Variants in PCDHGB7 observed in about 807,000 individuals in gnomAD.
PCDHGB7 encodes the protein protocadherin gamma-B7.
PCDHGB7 carries 37 observed loss-of-function variants against 61.4 expected under a neutral mutation model. That is an observed-to-expected ratio of 0.60 (90% CI 0.46 to 0.79). The LOEUF (loss-of-function observed/expected upper bound fraction) is 0.79, where lower values mean the gene tolerates loss of function less well. Ranked by LOEUF, PCDHGB7 falls within the 30% of genes least tolerant of loss-of-function variation. The pLI, the probability that PCDHGB7 is intolerant of heterozygous loss-of-function variation, is 0.00. For synonymous variants in PCDHGB7, 464 were observed against 503.5 expected (o/e 0.92, Z 1.05); for missense variants, 1,166 against 1,202.5 (o/e 0.97, Z 0.45).
intron 1 of PCDHGB7, chr5:141,426,776 C>G (rs1258505646): frequency 2.2e-6 from 1 of 456,584 alleles, no homozygotes; most frequent in Admixed American, 2.3e-5. Flanking sequence ...TAGGGCCTCA[C>G]TCTCTCCAGA....
At chr5:141,506,898 T>C (rs2099857040) in intron 3 of PCDHGB7, among the ~76,000 whole-genome samples, 1 of 152,260 alleles carries the variant, frequency 6.6e-6, no homozygotes, top group East Asian at 1.9e-4. Context: ...AGAAGCACTG[T>C]CATCACACCT....
chr5:141,465,048 A>AT (rs905091014), intron 1 of PCDHGB7, among the ~76,000 whole-genome samples: 18 of 151,226 alleles, frequency 1.2e-4, no homozygotes, highest in African/African-American at 4.4e-4. Context: ...GACCCTATAT[A>AT]TTTTTTTGAA....
intron 1 of PCDHGB7, among the ~76,000 whole-genome samples, chr5:141,439,132 G>C (rs1180893484): frequency 6.6e-6 from 1 of 151,054 alleles, no homozygotes; most frequent in African/African-American, 2.4e-5. Context: ...GACAGAGGTT[G>C]CAGTGAGCTG....
intron 1 of PCDHGB7, among the ~76,000 whole-genome samples, chr5:141,451,435 G>T (rs947210577): frequency 6.6e-6 from 1 of 152,234 alleles, no homozygotes; most frequent in Non-Finnish European, 1.5e-5. Flanking sequence ...AAGGGTTCCA[G>T]TTCCTTGCTG....
intron 1 of PCDHGB7, among the ~76,000 whole-genome samples, chr5:141,443,789 A>G (rs1316614117): frequency 6.6e-6 from 1 of 152,234 alleles, no homozygotes; most frequent in East Asian, 1.9e-4. Context: ...GACAAAAAAA[A>G]TGAAAAGGAA....
intron 1 of PCDHGB7, chr5:141,433,358 CCTAT>C (rs3074541): frequency 0.23 from 113,181 of 502,952 alleles, 11,570 homozygotes; most frequent in Non-Finnish European, 0.24. Flanking sequence ...CTACTGTCTG[CCTAT>C]CTATCTATCT....
chr5:141,489,210 G>C lies in PCDHGB7; in HGVS notation c.2416-5597G>C. ...TCTACCTTGGAGACAGGACAGCACA[G>C]ACTTACTCTCCACAAAGGGACTTCT... On this transcript the variant is annotated intron_variant, in intron 1 of 3. Coordinates refer to ENST00000398594, the MANE Select transcript of PCDHGB7 (RefSeq NM_018927.4). This position sits in a 1 kb window ranked among gnomAD's most constrained non-coding sequence, Gnocchi z 4.5. 6.8e-7 allele frequency: 1 copy of C among 1,461,860 alleles called. No individual in the cohort carries two copies. Among genetic ancestry groups the C allele is most frequent in the African/African-American group, 1.4e-5 (1 of 70,802 alleles). 90.6% of individuals were successfully genotyped at this position (1,461,860 alleles called of 1,614,324 possible).
chr5:141,475,628 C>T (rs2099366226), intron 1 of PCDHGB7, among the ~76,000 whole-genome samples: 1 of 152,116 alleles, frequency 6.6e-6, no homozygotes. Context: ...TTGGTTCGAT[C>T]CCCTTTCTTG....
intron 2 of PCDHGB7, among the ~76,000 whole-genome samples, chr5:141,496,206 A>C (rs2099766963): frequency 6.6e-6 from 1 of 152,126 alleles, no homozygotes; most frequent in South Asian, 2.1e-4. Context: ...TCAATCTGGT[A>C]TGAATTCCTG....
At chr5:141,444,138 C>CTTGTGTG (rs2098418688) in intron 1 of PCDHGB7, among the ~76,000 whole-genome samples, 1 of 122,946 alleles carries the variant, frequency 8.1e-6, no homozygotes, top group South Asian at 2.7e-4. Flanking sequence ...ATATGTGTCA[C>CTTGTGTG]TTGTGTGTAC....
rs61612330 is a variant in PCDHGB7, at chr5:141,454,796, A to ATTTTTTT, written c.2415+34545_2415+34551dup. On this transcript the variant is annotated intron_variant, in intron 1 of 3. Transcript: ENST00000398594. Reference sequence around the variant, plus strand: ...AAGGAAATAATCCTCCATGGTTCTAATTTTTTTTTTTTTTTTTTTTTTTTT... The same window carrying ATTTTTTT: ...AAGGAAATAATCCTCCATGGTTCTAATTTTTTTTTTTTTTTTTTTTTTTTTTTTTTTT... Among the ~76,000 whole-genome samples the ATTTTTTT allele has an allele frequency of 2.6e-3, 198 of 77,448 alleles. 27 individuals are homozygous for ATTTTTTT. The highest frequency in any genetic ancestry group is 8.4e-3 in the African/African-American group (141 of 16,874). The allele number at this position is 77,448 out of a possible 152,430, so 50.8% of individuals were successfully genotyped here. A position where few individuals can be genotyped will look rare whatever the true frequency, so the allele number is the denominator to read the frequency against.
At chr5:141,498,803 C>T (rs916966107) in intron 2 of PCDHGB7, among the ~76,000 whole-genome samples, 5 of 151,982 alleles carry the variant, frequency 3.3e-5, no homozygotes, top group African/African-American at 1.2e-4. Flanking sequence ...TGTGGTGGTG[C>T]ACACCTGTAG....
chr5:141,489,483 T>G lies in PCDHGB7; in HGVS notation c.2416-5324T>G. 1.9e-6 allele frequency: 3 copies of G among 1,613,980 alleles called. No individual in the cohort carries two copies. The highest frequency in any genetic ancestry group is 2.5e-6 in the Non-Finnish European group (3 of 1,180,008). ...GCTATTTTTCCCTGAGCTTGATGAG[T>G]GGTGCCCTGGCAGTGAATCAAAAGA... On this transcript the variant is annotated intron_variant, in intron 1 of 3. Coordinates refer to ENST00000398594, the MANE Select transcript of PCDHGB7 (RefSeq NM_018927.4). This position sits in a 1 kb window ranked among gnomAD's most constrained non-coding sequence, Gnocchi z 4.5.
At chr5:141,436,991 T>G (rs1016670604) in intron 1 of PCDHGB7, among the ~76,000 whole-genome samples, 2 of 152,238 alleles carry the variant, frequency 1.3e-5, no homozygotes, top group African/African-American at 4.8e-5. Flanking sequence ...AGAAGCAGTT[T>G]ACTTCAATGG....
In PCDHGB7 at chr5:141,420,050, C is replaced by A; in HGVS notation, c.2191C>A (p.Leu731Ile). Residue 731 changes from leucine (L) to isoleucine (I), a missense_variant, in exon 1 of 4, where the codon CTC becomes ATC. Transcript: ENST00000398594. Reference sequence around the variant, plus strand: ...TGCAGGAGACTGCTTTGAGTCAGTTCTCTGCTCCAAGTCCGGACCTGTGGG... The same window carrying A: ...TGCAGGAGACTGCTTTGAGTCAGTTATCTGCTCCAAGTCCGGACCTGTGGG... ...PTAGDCFESV[L>I]CSKSGPVGPP... 6.2e-7 allele frequency: 1 copy of A among 1,614,076 alleles called. No homozygotes were observed.
chr5:141,501,715 C>G lies in PCDHGB7; in HGVS notation c.2475-3678C>G, dbSNP rs139761188. On this transcript the variant is annotated intron_variant, in intron 2 of 3. Coordinates refer to ENST00000398594, the MANE Select transcript of PCDHGB7 (RefSeq NM_018927.4). ...AGGGTGATTCCGAGGATAAAAAAGA[C>G]AAATATATTACCCAGTCAGCTTAGA... 1.3e-3 allele frequency among the ~76,000 whole-genome samples: 192 copies of G among 152,192 alleles called. 1 individual carries two copies. The highest frequency in any genetic ancestry group is 4.5e-3 in the African/African-American group (185 of 41,512).
intron 1 of PCDHGB7, among the ~76,000 whole-genome samples, chr5:141,430,346 C>G (rs1191705310): frequency 6.8e-6 from 1 of 148,074 alleles, no homozygotes; most frequent in Non-Finnish European, 1.5e-5. Context: ...ACTTCCAATT[C>G]ATTTAAAAGC....
In PCDHGB7 at chr5:141,485,842, T is replaced by C; in HGVS notation, c.2416-8965T>C. ...TCGATGGAGGGAACCCGCCGAGATC[T>C]GGCACCGCAGAGCTCCGGGTATCCG... On this transcript the variant is annotated intron_variant, in intron 1 of 3. Coordinates refer to ENST00000398594, the MANE Select transcript of PCDHGB7 (RefSeq NM_018927.4). This position sits in a 1 kb window ranked among gnomAD's most constrained non-coding sequence, Gnocchi z 5.7. 1 of 1,614,002 alleles carries C rather than the reference T, an allele frequency of 6.2e-7. No homozygotes were observed. Among genetic ancestry groups the C allele is most frequent in the Non-Finnish European group, 8.5e-7 (1 of 1,179,982 alleles).
chr5:141,432,374 C>A lies in PCDHGB7; in HGVS notation c.2415+12100C>A. 2.5e-6 allele frequency: 4 copies of A among 1,614,240 alleles called. No individual in the cohort carries two copies. Among genetic ancestry groups the A allele is most frequent in the Non-Finnish European group, 3.4e-6 (4 of 1,180,042 alleles). On this transcript the variant is annotated intron_variant, in intron 1 of 3. Coordinates refer to ENST00000398594, the MANE Select transcript of PCDHGB7 (RefSeq NM_018927.4). This position sits in a 1 kb window ranked among gnomAD's most constrained non-coding sequence, Gnocchi z 6.0. ...GAAAGTGATGGCGCGGGACAACGGG[C>A]ACCCGCCCCTCAGCAGCAACGTGTC...
Sources: allele counts gnomAD v4.1 joint callset (sites outside exome capture counted in the v4.1 genomes callset), GRCh38; gene constraint gnomAD v4.1.1; non-coding constraint Gnocchi (gnomAD v3.1); transcripts MANE v1.5; gene names NCBI Gene and HGNC (gene_info 2026-07-23, HGNC 2026-07-21).